Variants in PHACTR1 observed in about 807,000 individuals in gnomAD.
PHACTR1 encodes the protein RPEL repeat containing 1.
Under a neutral mutation model 69.2 loss-of-function variants are expected in PHACTR1, and 16 were observed. The ratio of observed to expected loss-of-function variants is 0.23; its 90% confidence interval spans 0.16 to 0.35. The LOEUF is 0.35. Among genes scored for constraint, PHACTR1 ranks in the 10% least tolerant of loss-of-function variants. The pLI is 1.00. For missense variants in PHACTR1, 510 were observed against 734.7 expected (o/e 0.69, Z 3.54); for synonymous variants, 312 against 284.5 (o/e 1.10, Z -0.97).
intron 4 of PHACTR1, among the ~76,000 whole-genome samples, chr6:13,023,534 G>A (rs1801276691): frequency 6.6e-6 from 1 of 152,148 alleles, no homozygotes; most frequent in Non-Finnish European, 1.5e-5. Flanking sequence ...GAGGCTCTTG[G>A]GGGGAAAAAG....
intron 10 of PHACTR1, among the ~76,000 whole-genome samples, chr6:13,237,246 G>A (rs949132742): frequency 1.3e-5 from 2 of 151,886 alleles, no homozygotes; most frequent in Admixed American, 6.6e-5. Context: ...GCATGATGGC[G>A]TCCACCTGTA....
chr6:13,182,554 C>T lies in PHACTR1; in HGVS notation c.532C>T (p.Leu178=). ...ELSISNEEDS[L]ENGQSLSSSQ... ...CTCTATATCCAATGAAGAGGACTCC[C>T]TAGAAAATGGGCAGTCCCTGAGCTC... The change falls in exon 7 of 15, where the codon CTA becomes TTA. Residue 178 remains leucine, a synonymous_variant. Transcript: ENST00000332995. The T allele has an allele frequency of 6.2e-7, 1 of 1,613,754 alleles. No individual in the cohort carries two copies. The highest frequency in any genetic ancestry group is 8.5e-7 in the Non-Finnish European group (1 of 1,179,732).
chr6:12,897,214 A>C (rs1289088760), intron 4 of PHACTR1, among the ~76,000 whole-genome samples: 1 of 152,184 alleles, frequency 6.6e-6, no homozygotes. Flanking sequence ...AATATGTCAT[A>C]ACCTTGTCTC....
intron 5 of PHACTR1, among the ~76,000 whole-genome samples, chr6:13,075,280 C>T (rs565462014): frequency 6.6e-6 from 1 of 152,260 alleles, no homozygotes; most frequent in South Asian, 2.1e-4. Context: ...GGAACTGAGA[C>T]AGAGAGGTTA....
chr6:13,118,805 C>T (rs1260063730), intron 5 of PHACTR1, among the ~76,000 whole-genome samples: 1 of 152,060 alleles, frequency 6.6e-6, no homozygotes, highest in Admixed American at 6.6e-5. Context: ...GGCAGCATGG[C>T]GCAGTGGAAA....
intron 5 of PHACTR1, among the ~76,000 whole-genome samples, chr6:13,146,975 G>C (rs1282821930): frequency 6.6e-6 from 1 of 152,170 alleles, no homozygotes. Flanking sequence ...AGAGCATTGA[G>C]CGTTTGTGTC....
chr6:13,251,476 G>A (rs1409032890), intron 10 of PHACTR1, among the ~76,000 whole-genome samples: 1 of 152,186 alleles, frequency 6.6e-6, no homozygotes, highest in Admixed American at 6.5e-5. Context: ...CCCATGTGCT[G>A]GGGGCGCTGT....
chr6:12,817,281 A>T (rs566846520), intron 4 of PHACTR1, among the ~76,000 whole-genome samples: 2 of 152,340 alleles, frequency 1.3e-5, no homozygotes, highest in African/African-American at 4.8e-5. Flanking sequence ...TTATCATCAC[A>T]TCGTATGTAT....
At chr6:13,087,222 A>T (rs1388175686) in intron 5 of PHACTR1, among the ~76,000 whole-genome samples, 2 of 149,176 alleles carry the variant, frequency 1.3e-5, no homozygotes, top group East Asian at 3.9e-4. Flanking sequence ...TATTCTGGGT[A>T]AAAATTACAT....
At chr6:12,755,117 A>G (rs1200152351) in intron 4 of PHACTR1, among the ~76,000 whole-genome samples, 1 of 152,192 alleles carries the variant, frequency 6.6e-6, no homozygotes, top group Non-Finnish European at 1.5e-5. Context: ...TGGTCTGAGC[A>G]TCATTATTAT....
intron 4 of PHACTR1, among the ~76,000 whole-genome samples, chr6:13,009,364 A>G (rs1799185863): frequency 6.6e-6 from 1 of 152,218 alleles, no homozygotes. Context: ...TTGAGTTCAA[A>G]TCAAAGAAAA....
intron 7 of PHACTR1, among the ~76,000 whole-genome samples, chr6:13,187,259 G>A (rs879677406): frequency 3.9e-5 from 6 of 152,194 alleles, no homozygotes; most frequent in African/African-American, 9.7e-5. Context: ...ATATATATAC[G>A]TAGAGAGAGA....
intron 5 of PHACTR1, among the ~76,000 whole-genome samples, chr6:13,109,031 T>C (rs530616580): frequency 1.3e-5 from 2 of 152,068 alleles, no homozygotes; most frequent in African/African-American, 2.4e-5. Context: ...TTTATCGCAG[T>C]CTACCTTCAG....
intron 4 of PHACTR1, among the ~76,000 whole-genome samples, chr6:12,760,391 G>C (rs541530356): frequency 6.6e-6 from 1 of 152,322 alleles, no homozygotes; most frequent in East Asian, 1.9e-4. Flanking sequence ...GTCATCCTCT[G>C]AGTAAAGTTG....
chr6:13,186,888 C>T (rs1302492720), intron 7 of PHACTR1, among the ~76,000 whole-genome samples: 1 of 152,062 alleles, frequency 6.6e-6, no homozygotes, highest in Non-Finnish European at 1.5e-5. Context: ...TACAGCTCAC[C>T]ATAATGTAGA....
intron 8 of PHACTR1, among the ~76,000 whole-genome samples, chr6:13,219,848 A>T (rs926996530): frequency 6.6e-6 from 1 of 152,220 alleles, no homozygotes; most frequent in Non-Finnish European, 1.5e-5. Context: ...GTCAGCATAT[A>T]CATCTACAGA....
At chr6:12,879,558 C>A (rs1271816759) in intron 4 of PHACTR1, among the ~76,000 whole-genome samples, 4 of 152,046 alleles carry the variant, frequency 2.6e-5, no homozygotes, top group Non-Finnish European at 5.9e-5. Flanking sequence ...GATTTGTGAC[C>A]TTTTTCTCAG....
rs932998186 is a variant in PHACTR1 at position 12,810,646 on chromosome 6, C to T, written c.250+60856C>T. Among the ~76,000 whole-genome samples the T allele has an allele frequency of 7.9e-5, 12 of 152,178 alleles. No individual in the cohort carries two copies. The East Asian group carries it at 2.3e-3, about 29-fold the overall frequency. On this transcript the variant is annotated intron_variant, in intron 4 of 14. Coordinates refer to ENST00000332995, the MANE Select transcript of PHACTR1 (RefSeq NM_030948.6). ...ACAAAGGCTCATGTTCCGGCATCCT[C>T]CCCATAGCCACCAGGTAGTGACTGC...
chr6:12,801,390 C>T (rs559472295), intron 4 of PHACTR1, among the ~76,000 whole-genome samples: 1 of 152,286 alleles, frequency 6.6e-6, no homozygotes, highest in African/African-American at 2.4e-5. Context: ...CAGTACTTCA[C>T]TACCCAACTA....
Sources: allele counts gnomAD v4.1 joint callset (sites outside exome capture counted in the v4.1 genomes callset), GRCh38; gene constraint gnomAD v4.1.1; transcripts MANE v1.5; gene names NCBI Gene and HGNC (gene_info 2026-07-23, HGNC 2026-07-21).